The following LNPEP variants were observed in gnomAD, a reference collection of about 807,000 sequenced individuals.
LNPEP encodes the protein leucyl and cystinyl aminopeptidase.
Under a neutral mutation model 120.6 loss-of-function variants are expected in LNPEP, and 64 were observed. That is an observed-to-expected ratio of 0.53 (90% confidence interval 0.43 to 0.65). The LOEUF is 0.65. LNPEP is among the 30% of genes least tolerant of loss of function. The pLI is 0.00. For missense variants in LNPEP, 1,057 were observed against 1,200.0 expected (o/e 0.88, Z 1.76); for synonymous variants, 435 against 425.4 (o/e 1.02, Z -0.28).
chr5:97,015,093 G>T lies in LNPEP; in HGVS notation c.2374G>T (p.Val792Leu). 2 of 1,536,642 alleles carry T rather than the reference G, an allele frequency of 1.3e-6. No homozygotes were observed. Among genetic ancestry groups the T allele is most frequent in the Non-Finnish European group, 1.7e-6 (2 of 1,145,548 alleles). Residue 792 changes from valine (V) to leucine (L), a missense_variant and splice_region_variant, in exon 13 of 18, where the codon GTG becomes TTG. By Grantham distance (32) the Val-to-Leu change is conservative. Transcript: ENST00000231368. ...LGYMDLASRLVTRVFKLLQNQ... is the reference protein window; with the variant it reads ...LGYMDLASRLLTRVFKLLQNQ... Reference sequence around the variant, plus strand: ...ATACATGGATCTGGCCTCAAGACTGGTGGTAAGTCTGCCTTTTTGCCAGCT... The same window carrying T: ...ATACATGGATCTGGCCTCAAGACTGTTGGTAAGTCTGCCTTTTTGCCAGCT...
At chr5:96,960,197 CA>C (rs1190239218) in intron 1 of LNPEP, among the ~76,000 whole-genome samples, 2 of 152,066 alleles carry the variant, frequency 1.3e-5, no homozygotes, top group African/African-American at 4.8e-5. Context: ...CTTGGCCTCC[CA>C]AAGTGCTGAG....
rs1312182691 is a variant in LNPEP at position 96,954,775 on chromosome 5, T to A, written c.19+18601T>A. 5.3e-3 allele frequency among the ~76,000 whole-genome samples: 153 copies of A among 28,686 alleles called. 13 individuals carry two copies. The highest frequency in any genetic ancestry group is 0.018 in the African/African-American group (115 of 6,460). 18.8% of individuals were successfully genotyped at this position (28,686 alleles called of 152,430 possible). ...ATATATATATATATATATATATATT[T>A]TTTTTTTTTTTTTTTTTTTTTTTTT... On this transcript the variant is annotated intron_variant, in intron 1 of 17. Coordinates refer to ENST00000231368, the MANE Select transcript of LNPEP (RefSeq NM_005575.3).
chr5:97,012,997 C>A (rs916321936), intron 11 of LNPEP, among the ~76,000 whole-genome samples: 2 of 152,106 alleles, frequency 1.3e-5, no homozygotes, highest in African/African-American at 4.8e-5. Flanking sequence ...AGACAGAGGC[C>A]AAAATGGGAC....
intron 11 of LNPEP, among the ~76,000 whole-genome samples, chr5:97,011,389 T>C (rs1247117516): frequency 1.3e-5 from 2 of 152,110 alleles, no homozygotes; most frequent in East Asian, 1.9e-4. Flanking sequence ...TGTGTCACCA[T>C]GCGGGCTAAT....
At position 97,015,758 on chromosome 5, in the gene LNPEP, G is replaced by A. The variant is rs908032647; in HGVS notation, c.2376+663G>A. Among the ~76,000 whole-genome samples, 34 of 152,214 alleles carry A rather than the reference G, an allele frequency of 2.2e-4. 1 individual carries two copies. Among genetic ancestry groups the A allele is most frequent in the African/African-American group, 7.9e-4 (33 of 41,538 alleles). On this transcript the variant is annotated intron_variant, in intron 13 of 17. Coordinates refer to ENST00000231368, the MANE Select transcript of LNPEP (RefSeq NM_005575.3). ...ACAACAGAGTTTGCTTTATAAACTA[G>A]TGAGATTTCCCAGGGACCCAGGCAA...
intron 9 of LNPEP, among the ~76,000 whole-genome samples, chr5:97,004,414 A>T (rs1790730129): frequency 6.6e-6 from 1 of 151,994 alleles, no homozygotes; most frequent in Admixed American, 6.6e-5. Context: ...TGGGAGACTG[A>T]GGCAGGAGAA....
At chr5:96,937,168 G>C (rs1034245798) in intron 1 of LNPEP, 2 of 152,218 alleles carry the variant, frequency 1.3e-5, no homozygotes, top group Non-Finnish European at 2.9e-5. Flanking sequence ...TTCAGGTACA[G>C]TATCACATTA....
intron 7 of LNPEP, among the ~76,000 whole-genome samples, chr5:96,997,495 G>C (rs1270183484): frequency 6.6e-6 from 1 of 151,996 alleles, no homozygotes; most frequent in East Asian, 1.9e-4. Context: ...CATGTTCTAG[G>C]GGAGCTCATC....
At chr5:96,977,741 T>G (rs913918517) in intron 1 of LNPEP, among the ~76,000 whole-genome samples, 1 of 152,172 alleles carries the variant, frequency 6.6e-6, no homozygotes, top group Non-Finnish European at 1.5e-5. Context: ...TACATAGCAT[T>G]TATCTTAAGC....
At position 97,033,056 on chromosome 5, in the gene LNPEP, T is replaced by C. The variant is rs112920687; in HGVS notation, c.*4523T>C. 1,542 of 152,204 alleles carry C rather than the reference T, an allele frequency of 0.01. 12 individuals are homozygous for C. The highest frequency in any genetic ancestry group is 0.012 in the Admixed American group (187 of 15,270). 9.4% of individuals were successfully genotyped at this position (152,204 alleles called of 1,614,324 possible). ...CCTATTTAGGCAATAGCTAATAGAGTAGTTTGTTTTGTTTTGGGGTGTGGG... is the reference window on the plus strand; with the variant it reads ...CCTATTTAGGCAATAGCTAATAGAGCAGTTTGTTTTGTTTTGGGGTGTGGG... On this transcript the variant is annotated 3_prime_UTR_variant, in exon 18 of 18. Transcript: ENST00000231368.
chr5:97,014,748 C>T (rs1284010162), intron 12 of LNPEP, among the ~76,000 whole-genome samples, 191 bp from the exon 13 acceptor site: 1 of 151,996 alleles, frequency 6.6e-6, no homozygotes, highest in African/African-American at 2.4e-5. Context: ...CTTGAAATGC[C>T]TCTTTAATCT....
chr5:97,007,928 C>T (rs967724793), intron 11 of LNPEP, among the ~76,000 whole-genome samples: 1 of 152,168 alleles, frequency 6.6e-6, no homozygotes, highest in South Asian at 2.1e-4. Context: ...ACCTGAAATA[C>T]ATGAATGTGC....
intron 1 of LNPEP, among the ~76,000 whole-genome samples, chr5:96,964,665 A>G (rs1420010977): frequency 6.6e-6 from 1 of 152,158 alleles, no homozygotes; most frequent in Non-Finnish European, 1.5e-5. Context: ...CTCCAAGGAA[A>G]AAATCCTACT....
At chr5:96,994,839 G>A (rs1790470748) in intron 6 of LNPEP, among the ~76,000 whole-genome samples, 1 of 152,262 alleles carries the variant, frequency 6.6e-6, no homozygotes, top group Non-Finnish European at 1.5e-5. Flanking sequence ...GCCAGATGCA[G>A]TGGCTCACGC....
intron 1 of LNPEP, among the ~76,000 whole-genome samples, chr5:96,954,695 C>CATATATACATATATACACAT (rs1561430029): frequency 9.1e-4 from 43 of 47,034 alleles, no homozygotes; most frequent in African/African-American, 3.4e-3. Flanking sequence ...CATATATACA[C>CATATATACATATATACACAT]ATATATACAT....
intron 8 of LNPEP, among the ~76,000 whole-genome samples, chr5:97,000,770 G>A (rs965454740): frequency 1.3e-5 from 2 of 152,088 alleles, no homozygotes; most frequent in African/African-American, 2.4e-5. Flanking sequence ...TCTTTTCACC[G>A]TAATAAATCA....
Position 97,013,720 on chromosome 5 carries a change from A to T in LNPEP, c.2108A>T (p.His703Leu), listed in dbSNP as rs758391666. The T allele has an allele frequency of 3.7e-6, 6 of 1,609,106 alleles. No homozygotes were observed. The East Asian group carries it at 1.3e-4, about 36-fold the overall frequency. ...NINMNGYYIVHYADDDWEALI... is the reference protein window; with the variant it reads ...NINMNGYYIVLYADDDWEALI... ...AACATGAATGGTTATTATATTGTAC[A>T]CTATGCAGATGATGATTGGGAAGCA... Residue 703 changes from histidine to leucine, a missense_variant, in exon 12 of 18, where the codon CAC becomes CTC. By Grantham distance (99) the His-to-Leu change is moderately conservative. Coordinates refer to ENST00000231368, the MANE Select transcript of LNPEP (RefSeq NM_005575.3).
Position 97,003,559 on chromosome 5 carries a change from G to T in LNPEP, c.1785+13G>T. 6.4e-7 allele frequency: 1 copy of T among 1,560,964 alleles called. No homozygotes were observed. The highest frequency in any genetic ancestry group is 1.2e-5 in the South Asian group (1 of 83,478). ...TAGTTTTAATGAGGTAAGTGACCTG[G>T]GTAATTTATTTAGCTCTTACTGTAA... is the stretch of plus-strand genomic sequence containing the variant. On this transcript the variant is annotated intron_variant, in intron 9 of 17. Transcript: ENST00000231368.
At chr5:96,945,223 C>T (rs1245176460) in intron 1 of LNPEP, among the ~76,000 whole-genome samples, 3 of 147,900 alleles carry the variant, frequency 2.0e-5, no homozygotes, top group Admixed American at 6.8e-5. Context: ...ATAGTGAGAG[C>T]CTGTCTCTAC....
Sources: allele counts gnomAD v4.1 joint callset (sites outside exome capture counted in the v4.1 genomes callset), GRCh38; gene constraint gnomAD v4.1.1; transcripts MANE v1.5; gene names NCBI Gene and HGNC (gene_info 2026-07-23, HGNC 2026-07-21).